CERS6: variants seen among roughly 807,000 people sequenced by gnomAD.
CERS6 encodes ceramide synthase 6, also known as LAG1 homolog, ceramide synthase 6.
CERS6 carries 26 observed loss-of-function variants against 56.8 expected under a neutral mutation model. The observed-to-expected ratio is 0.46, with a 90% confidence interval of 0.34 to 0.63. The LOEUF is 0.63. Among genes scored for constraint, CERS6 ranks in the 30% least tolerant of loss-of-function variants. CERS6 has a pLI of 0.01. For missense variants in CERS6, 415 were observed against 467.5 expected, an observed-to-expected ratio of 0.89 and a Z score of 1.04; for synonymous variants, 164 against 173.3, an observed-to-expected ratio of 0.95 and a Z score of 0.42.
intron 1 of CERS6, among the ~76,000 whole-genome samples, chr2:168,485,491 A>G (rs76181879): frequency 0.017 from 2,553 of 152,114 alleles, 66 homozygotes; most frequent in African/African-American, 0.059. Context: ...TTCTCCATCT[A>G]TTTATCCCTT....
chr2:168,514,902 A>G (rs1694858829), intron 1 of CERS6, among the ~76,000 whole-genome samples: 1 of 152,206 alleles, frequency 6.6e-6, no homozygotes, highest in South Asian at 2.1e-4. Context: ...GGCCAGCATA[A>G]CAAGACTGAC....
chr2:168,664,269 C>T (rs1032838693), intron 4 of CERS6, among the ~76,000 whole-genome samples: 8 of 152,120 alleles, frequency 5.3e-5, no homozygotes, highest in Admixed American at 4.6e-4. Context: ...GCAGGAGGCC[C>T]TTCCTTATCT....
chr2:168,559,981 G>C (rs1395868792), intron 2 of CERS6, among the ~76,000 whole-genome samples: 1 of 151,820 alleles, frequency 6.6e-6, no homozygotes, highest in Admixed American at 6.6e-5. Flanking sequence ...ACATTGAATA[G>C]AGGGGAGGGA....
intron 2 of CERS6, among the ~76,000 whole-genome samples, chr2:168,559,131 T>C (rs928287040): frequency 3.4e-4 from 51 of 152,096 alleles, no homozygotes; most frequent in African/African-American, 1.2e-3. Flanking sequence ...TAGGCAATGA[T>C]TTTTCTCCTT....
intron 1 of CERS6, among the ~76,000 whole-genome samples, chr2:168,472,109 G>T (rs1427378285): frequency 6.6e-6 from 1 of 152,128 alleles, no homozygotes; most frequent in Non-Finnish European, 1.5e-5. Flanking sequence ...ACCCTAGTGG[G>T]TATTAGCTCT....
At chr2:168,706,397 G>A (rs1465694977) in intron 6 of CERS6, among the ~76,000 whole-genome samples, 1 of 152,138 alleles carries the variant, frequency 6.6e-6, no homozygotes, top group Non-Finnish European at 1.5e-5. Flanking sequence ...TTGAAATGGG[G>A]CCATAAATGT....
chr2:168,724,842 G>C (rs1211370802), intron 8 of CERS6, among the ~76,000 whole-genome samples: 5 of 152,254 alleles, frequency 3.3e-5, no homozygotes, highest in Non-Finnish European at 5.9e-5. Flanking sequence ...TCACACAGTG[G>C]ATCCCCCACC....
At chr2:168,464,499 C>G (rs536651736) in intron 1 of CERS6, among the ~76,000 whole-genome samples, 1 of 152,028 alleles carries the variant, frequency 6.6e-6, no homozygotes, top group African/African-American at 2.4e-5. Context: ...CGACTCTTCC[C>G]CACATGCTAA....
intron 1 of CERS6, among the ~76,000 whole-genome samples, chr2:168,529,468 G>A (rs1203294019): frequency 1.3e-5 from 2 of 152,168 alleles, no homozygotes; most frequent in East Asian, 3.8e-4. Flanking sequence ...TTCTGTGGTA[G>A]ATCAGGAGTA....
intron 4 of CERS6, among the ~76,000 whole-genome samples, chr2:168,688,420 A>C (rs1035262582): frequency 6.6e-6 from 1 of 151,686 alleles, no homozygotes; most frequent in African/African-American, 2.4e-5. Context: ...CGTCTCAAAA[A>C]AAAAAAAAAA....
chr2:168,626,796 T>G (rs1684601160), intron 3 of CERS6, among the ~76,000 whole-genome samples: 1 of 152,234 alleles, frequency 6.6e-6, no homozygotes, highest in East Asian at 1.9e-4. Context: ...TGCTTCCTTA[T>G]ATGGAGTCTT....
At position 168,769,735 on chromosome 2, in the gene CERS6, G is replaced by T; in HGVS notation, c.*73G>T. On this transcript the variant is annotated 3_prime_UTR_variant, in exon 10 of 10. Coordinates refer to ENST00000305747, the MANE Select transcript of CERS6 (RefSeq NM_203463.3). ...AAGTATTTAATAAGTTGCAAATGCA[G>T]TTCCTTTCATAATATCTCAGCACCA... 3 of 1,499,584 alleles carry T rather than the reference G, an allele frequency of 2.0e-6. No homozygotes were observed. The highest frequency in any genetic ancestry group is 1.2e-5 in the South Asian group (1 of 83,408). 92.9% of individuals were successfully genotyped at this position (1,499,584 alleles called of 1,614,324 possible). A position where few individuals can be genotyped will look rare whatever the true frequency, so the allele number is the denominator to read the frequency against.
At chr2:168,524,494 G>C (rs1177437991) in intron 1 of CERS6, among the ~76,000 whole-genome samples, 1 of 152,180 alleles carries the variant, frequency 6.6e-6, no homozygotes, top group African/African-American at 2.4e-5. Context: ...AATGAGAATG[G>C]AGACTCAGAT....
At chr2:168,517,755 TA>T (rs1694909906) in intron 1 of CERS6, among the ~76,000 whole-genome samples, 1 of 152,256 alleles carries the variant, frequency 6.6e-6, no homozygotes, top group African/African-American at 2.4e-5. Context: ...GAATTAATTT[TA>T]AAAAACCATA....
At chr2:168,591,670 C>T (rs1374245237) in intron 3 of CERS6, among the ~76,000 whole-genome samples, 2 of 152,190 alleles carry the variant, frequency 1.3e-5, no homozygotes, top group Non-Finnish European at 2.9e-5. Context: ...TTGCAGTGCC[C>T]TAGCAAAAGA....
At chr2:168,677,470 G>A (rs373940374) in intron 4 of CERS6, among the ~76,000 whole-genome samples, 3 of 152,052 alleles carry the variant, frequency 2.0e-5, no homozygotes, top group Non-Finnish European at 2.9e-5. Flanking sequence ...ATAGTGCTGC[G>A]GTAAACATAC....
At chr2:168,637,250 C>G (rs143675814) in intron 4 of CERS6, among the ~76,000 whole-genome samples, 2,629 of 152,072 alleles carry the variant, frequency 0.017, 104 homozygotes, top group East Asian at 0.16. Context: ...GGCTGAAGCG[C>G]GTGGATCACG....
chr2:168,747,411 T>A (rs1684140508), intron 8 of CERS6, among the ~76,000 whole-genome samples: 1 of 152,156 alleles, frequency 6.6e-6, no homozygotes, highest in Non-Finnish European at 1.5e-5. Flanking sequence ...AGATATGGAT[T>A]TTTAATCATT....
intron 8 of CERS6, among the ~76,000 whole-genome samples, chr2:168,760,766 A>ATTTTTTTTTTTT (rs1553517052): frequency 2.4e-3 from 305 of 127,214 alleles, no homozygotes; most frequent in African/African-American, 7.3e-3. Context: ...TTATTTATTT[A>ATTTTTTTTTTTT]TTTTTTTGAG....
Sources: gnomAD v4.1 joint callset for allele counts (sites outside exome capture counted in the v4.1 genomes callset) on GRCh38, gnomAD v4.1.1 for gene constraint, MANE v1.5 for transcripts, NCBI Gene and HGNC (gene_info 2026-07-23, HGNC 2026-07-21) for gene names.